SEC24D: variants seen among roughly 807,000 people sequenced by gnomAD.
SEC24D encodes protein transport protein Sec24D.
In SEC24D, 69 loss-of-function variants were observed where a neutral mutation model predicts 116.9. That is an observed-to-expected ratio of 0.59 (90% confidence interval 0.49 to 0.72). The LOEUF is 0.72. Among genes scored for constraint, SEC24D ranks in the 30% least tolerant of loss-of-function variants. SEC24D has a pLI of 0.00. For missense variants in SEC24D, 1,131 were observed against 1,264.1 expected (o/e 0.89, Z 1.60); for synonymous variants, 405 against 442.8 (o/e 0.91, Z 1.07).
intron 10 of SEC24D, chr4:118,758,705 T>C (rs1314877119): frequency 1.3e-5 from 2 of 152,208 alleles, no homozygotes; most frequent in East Asian, 3.8e-4. Flanking sequence ...TAAAATTGTA[T>C]TTTAATTATT....
At chr4:118,738,139 T>C (rs186384647) in intron 19 of SEC24D, 122 bp downstream of exon 19, 3 of 694,014 alleles carry the variant, frequency 4.3e-6, no homozygotes, top group Non-Finnish European at 7.6e-6. Context: ...TCTTCTCAGC[T>C]ACACTGTTTA....
At chr4:118,748,783 C>T (rs574744778) in intron 13 of SEC24D, among the ~76,000 whole-genome samples, 1 of 152,100 alleles carries the variant, frequency 6.6e-6, no homozygotes, top group African/African-American at 2.4e-5. Context: ...TCCTGTAGAT[C>T]AAGGGCTCCC....
intron 11 of SEC24D, among the ~76,000 whole-genome samples, chr4:118,756,390 C>A (rs1467023400): frequency 6.6e-6 from 1 of 152,094 alleles, no homozygotes; most frequent in South Asian, 2.1e-4. Flanking sequence ...GAAATTGCCT[C>A]GGTGTTTTTT....
intron 6 of SEC24D, among the ~76,000 whole-genome samples, chr4:118,811,072 G>A (rs1021226825): frequency 6.6e-6 from 1 of 152,180 alleles, no homozygotes; most frequent in African/African-American, 2.4e-5. Flanking sequence ...ATTGGTAATT[G>A]GACTAGCACA....
At chr4:118,833,000 G>A (rs1462357266) in intron 2 of SEC24D, among the ~76,000 whole-genome samples, 1 of 152,176 alleles carries the variant, frequency 6.6e-6, no homozygotes, top group Non-Finnish European at 1.5e-5. Flanking sequence ...ATCTTCTGCA[G>A]CACACTGTGT....
At chr4:118,758,911 G>C (rs867912898) in intron 10 of SEC24D, among the ~76,000 whole-genome samples, 1 of 152,140 alleles carries the variant, frequency 6.6e-6, no homozygotes, top group African/African-American at 2.4e-5. Context: ...ATTCTGCTAT[G>C]TGAATAATTT....
At chr4:118,803,229 T>C (rs1031174753) in intron 7 of SEC24D, among the ~76,000 whole-genome samples, 6 of 152,228 alleles carry the variant, frequency 3.9e-5, no homozygotes, top group Admixed American at 3.3e-4. Flanking sequence ...CTGAATTGTA[T>C]ACTTAAAAAT....
At chr4:118,785,074 A>G (rs187466197) in intron 8 of SEC24D, among the ~76,000 whole-genome samples, 8 of 152,242 alleles carry the variant, frequency 5.3e-5, no homozygotes, top group Admixed American at 1.3e-4. Context: ...TAGGATAAAG[A>G]GATGACTCCT....
chr4:118,738,239 C>T lies in SEC24D; in HGVS notation c.2496+22G>A, dbSNP rs751549937. On this transcript the variant is annotated intron_variant, in intron 19 of 22. Transcript: ENST00000280551. ...GTAGTCGTTTGTAACACTTTAACAT[C>T]TATGTGCAATAGGTAGCTCACCTGG... 6.8e-6 allele frequency: 10 copies of T among 1,477,712 alleles called. No individual in the cohort carries two copies. The Middle Eastern group carries it at 1.0e-3, about 153-fold the overall frequency. The allele number at this position is 1,477,712 out of a possible 1,614,324, so 91.5% of individuals were successfully genotyped here.
In SEC24D at chr4:118,833,638, C is replaced by T. The variant is rs773228161; in HGVS notation, c.59G>A (p.Gly20Asp). 1.2e-6 allele frequency: 2 copies of T among 1,614,024 alleles called. No individual in the cohort carries two copies. Among genetic ancestry groups the T allele is most frequent in the Admixed American group, 3.3e-5 (2 of 59,988 alleles). Residue 20 changes from glycine to aspartate, a missense_variant, in exon 2 of 23, where the codon GGC becomes GAC. Transcript: ENST00000280551. ...GTGCCCATAATGAGGTGGAGAAAGG[C>T]CTATTCCAGGCTGAGGCTGAGAATA... The part of the protein sequence containing the change: ...PPYSQPQPGI[G>D]LSPPHYGHYG...
intron 19 of SEC24D, chr4:118,736,171 G>A (rs1355572615): frequency 6.6e-6 from 1 of 150,504 alleles, no homozygotes; most frequent in African/African-American, 2.4e-5. Flanking sequence ...ACGCCCAGCT[G>A]TTTTTGTATT....
rs1726875132 is a variant in SEC24D at position 118,752,233 on chromosome 4, T to C, written c.1614-144A>G. On this transcript the variant is annotated intron_variant, in intron 12 of 22. Transcript: ENST00000280551. ...CTATAGGTAATTTTTCCTTAGGAAA[T>C]GATATCTTAGCGTGGCTTGGCACCA... 5 of 600,168 alleles carry C rather than the reference T, an allele frequency of 8.3e-6. No homozygotes were observed. The South Asian group carries it at 1.2e-4, about 14-fold the overall frequency. 37.2% of individuals were successfully genotyped at this position (600,168 alleles called of 1,614,324 possible).
chr4:118,788,985 C>CAG (rs1395117140), intron 8 of SEC24D, among the ~76,000 whole-genome samples: 1 of 152,198 alleles, frequency 6.6e-6, no homozygotes, highest in African/African-American at 2.4e-5. Flanking sequence ...GAGTACTAAG[C>CAG]AGAGGCTTAA....
chr4:118,748,489 A>G (rs79940674), intron 13 of SEC24D, among the ~76,000 whole-genome samples: 2,071 of 152,282 alleles, frequency 0.014, 46 homozygotes, highest in African/African-American at 0.047. Flanking sequence ...ATTCCCTACA[A>G]AAATTTATGT....
chr4:118,766,791 C>A (rs184209194), intron 9 of SEC24D: 3 of 152,322 alleles, frequency 2.0e-5, no homozygotes, highest in African/African-American at 7.2e-5. Context: ...TGGGAGAAGC[C>A]TCTGTCCCTT....
rs1057243151 is a variant in SEC24D, at chr4:118,738,717, T to C, written c.2378-338A>G. ...CTGGATTGCTACCTTTTCCAAACTT[T>C]AGTGTAGAATTTCTCAAGGAAAGCC... On this transcript the variant is annotated intron_variant, in intron 18 of 22. Transcript: ENST00000280551. Among the ~76,000 whole-genome samples the C allele has an allele frequency of 7.0e-4, 106 of 152,214 alleles. 1 individual carries two copies. Among genetic ancestry groups the C allele is most frequent in the Non-Finnish European group, 2.4e-4 (16 of 68,040 alleles).
Position 118,745,832 on chromosome 4 carries a change from C to A in SEC24D, c.1708-772G>T, listed in dbSNP as rs548071289. ...ACTGCACACTGCTCCAGAGCACTGC[C>A]TCTGAAGTGAAGACAATAGCTCTGA... On this transcript the variant is annotated intron_variant, in intron 13 of 22. Transcript: ENST00000280551. 4.6e-5 allele frequency among the ~76,000 whole-genome samples: 7 copies of A among 152,302 alleles called. No homozygotes were observed. In the East Asian group the frequency reaches 1.2e-3, roughly 25 times the overall value.
chr4:118,826,620 CTTT>C (rs750598413), intron 2 of SEC24D, among the ~76,000 whole-genome samples: 5 of 146,936 alleles, frequency 3.4e-5, no homozygotes, highest in Middle Eastern at 3.4e-3. Context: ...TTTTTTTGGT[CTTT>C]TTTTTTCTTT....
intron 2 of SEC24D, 27 bp from the exon 3 acceptor site, chr4:118,824,776 A>T: frequency 6.5e-7 from 1 of 1,545,184 alleles, no homozygotes; most frequent in South Asian, 1.2e-5. Flanking sequence ...TGAATTTAGA[A>T]GTGTATTAAA....
Sources: gnomAD v4.1 joint callset for allele counts (sites outside exome capture counted in the v4.1 genomes callset) on GRCh38, gnomAD v4.1.1 for gene constraint, MANE v1.5 for transcripts, NCBI Gene and HGNC (gene_info 2026-07-23, HGNC 2026-07-21) for gene names.